Variants in MB21D2 observed in about 807,000 individuals in gnomAD.
MB21D2 encodes nucleotidyltransferase MB21D2.
MB21D2 carries 9 observed loss-of-function variants against 33.3 expected under a neutral mutation model. That is an observed-to-expected ratio of 0.27 (90% CI 0.16 to 0.47). The LOEUF is 0.47. MB21D2 is among the 20% of genes least tolerant of loss of function. The probability of loss-of-function intolerance (pLI) is 0.99; values close to 1 mark genes in which losing one functional copy is unlikely to be tolerated. For synonymous variants in MB21D2, 241 were observed against 236.3 expected (o/e 1.02, Z -0.18); for missense variants, 540 against 624.6 (o/e 0.86, Z 1.44).
At chr3:192,873,124 A>G (rs1713347874) in intron 1 of MB21D2, among the ~76,000 whole-genome samples, 1 of 152,100 alleles carries the variant, frequency 6.6e-6, no homozygotes, top group Non-Finnish European at 1.5e-5. Flanking sequence ...ACTGTCTCCA[A>G]AATGAATCCA....
At chr3:192,820,956 T>A (rs976041234) in intron 1 of MB21D2, among the ~76,000 whole-genome samples, 4 of 152,088 alleles carry the variant, frequency 2.6e-5, no homozygotes, top group African/African-American at 7.2e-5. Context: ...TTTGTAGAGA[T>A]GAGGTCTCGC....
At chr3:192,800,963 C>T (rs73195189) in intron 1 of MB21D2, among the ~76,000 whole-genome samples, 136 of 152,276 alleles carry the variant, frequency 8.9e-4, no homozygotes, top group Non-Finnish European at 1.7e-3. Flanking sequence ...GACATCTTCT[C>T]GAATTGTATA....
chr3:192,894,753 C>A (rs1713928639), intron 1 of MB21D2, among the ~76,000 whole-genome samples: 1 of 152,136 alleles, frequency 6.6e-6, no homozygotes. Flanking sequence ...CTGCTTCCCA[C>A]CCCATTCTTC....
intron 1 of MB21D2, among the ~76,000 whole-genome samples, chr3:192,891,816 G>C (rs1422345119): frequency 4.6e-5 from 7 of 152,076 alleles, no homozygotes; most frequent in Admixed American, 2.6e-4. Flanking sequence ...TACTGGTATA[G>C]AGGTGATGGG....
intron 1 of MB21D2, among the ~76,000 whole-genome samples, chr3:192,851,437 T>C (rs1712801842): frequency 6.6e-6 from 1 of 151,648 alleles, no homozygotes; most frequent in Non-Finnish European, 1.5e-5. Context: ...GAGTGATCAA[T>C]GTGAATTTTG....
chr3:192,824,228 T>C (rs1460172363), intron 1 of MB21D2, among the ~76,000 whole-genome samples: 1 of 152,154 alleles, frequency 6.6e-6, no homozygotes, highest in African/African-American at 2.4e-5. Flanking sequence ...AAAAATTCAA[T>C]TTGTTGGATC....
At chr3:192,859,786 T>C (rs1712998927) in intron 1 of MB21D2, among the ~76,000 whole-genome samples, 1 of 152,066 alleles carries the variant, frequency 6.6e-6, no homozygotes, top group Non-Finnish European at 1.5e-5. Flanking sequence ...AAGTAGACAT[T>C]GACAAGAACT....
intron 1 of MB21D2, among the ~76,000 whole-genome samples, chr3:192,850,639 T>C (rs1383483793): frequency 6.6e-6 from 1 of 152,180 alleles, no homozygotes; most frequent in East Asian, 1.9e-4. Flanking sequence ...GGCTCAGCCC[T>C]GCACGCTGCC....
intron 1 of MB21D2, among the ~76,000 whole-genome samples, chr3:192,808,535 C>T (rs1315770815): frequency 6.6e-6 from 1 of 152,184 alleles, no homozygotes; most frequent in Non-Finnish European, 1.5e-5. Context: ...AGTCATCCAT[C>T]CGGCAGAATT....
chr3:192,892,631 C>A (rs1713874863), intron 1 of MB21D2, among the ~76,000 whole-genome samples: 2 of 151,926 alleles, frequency 1.3e-5, no homozygotes, highest in Admixed American at 6.6e-5. Context: ...TTAGTAGAGA[C>A]GGGGTTTCAC....
At chr3:192,858,526 G>A (rs1712968916) in intron 1 of MB21D2, among the ~76,000 whole-genome samples, 1 of 152,202 alleles carries the variant, frequency 6.6e-6, no homozygotes, top group African/African-American at 2.4e-5. Flanking sequence ...TACAAATAAT[G>A]TTATTCCTTT....
At chr3:192,816,759 A>G (rs555219947) in intron 1 of MB21D2, among the ~76,000 whole-genome samples, 1 of 152,272 alleles carries the variant, frequency 6.6e-6, no homozygotes, top group African/African-American at 2.4e-5. Flanking sequence ...GCCGTGATAG[A>G]AAGATTATTA....
chr3:192,815,182 G>T (rs745607146), intron 1 of MB21D2, among the ~76,000 whole-genome samples: 3 of 152,206 alleles, frequency 2.0e-5, no homozygotes, highest in Non-Finnish European at 2.9e-5. Context: ...CCCACACAAA[G>T]AATGAATAAA....
chr3:192,887,168 A>T (rs1170803357), intron 1 of MB21D2, among the ~76,000 whole-genome samples: 1 of 152,038 alleles, frequency 6.6e-6, no homozygotes, highest in Admixed American at 6.6e-5. Flanking sequence ...TTTTTAAGAG[A>T]CAAAGTCTCG....
chr3:192,853,917 G>A (rs1298575084), intron 1 of MB21D2, among the ~76,000 whole-genome samples: 2 of 152,106 alleles, frequency 1.3e-5, no homozygotes, highest in Non-Finnish European at 2.9e-5. Flanking sequence ...TATTGTAATT[G>A]TCTTGGGGCA....
chr3:192,884,141 T>C (rs1392631099), intron 1 of MB21D2, among the ~76,000 whole-genome samples: 3 of 152,076 alleles, frequency 2.0e-5, no homozygotes, highest in African/African-American at 4.8e-5. Context: ...CTTTCAAAGT[T>C]AGGGTCCAGT....
intron 1 of MB21D2, among the ~76,000 whole-genome samples, chr3:192,876,235 C>T (rs971612177): frequency 1.1e-4 from 17 of 152,186 alleles, no homozygotes; most frequent in Admixed American, 9.2e-4. Context: ...CTTCCTTTGG[C>T]TCTCTGTAGT....
chr3:192,909,657 A>G (rs1431178475), intron 1 of MB21D2, among the ~76,000 whole-genome samples: 1 of 152,138 alleles, frequency 6.6e-6, no homozygotes, highest in African/African-American at 2.4e-5. Flanking sequence ...TCGGCCAGAC[A>G]CGGTGGCTCA....
chr3:192,813,314 T>C (rs1394926059), intron 1 of MB21D2, among the ~76,000 whole-genome samples: 2 of 151,796 alleles, frequency 1.3e-5, no homozygotes, highest in Admixed American at 1.3e-4. Flanking sequence ...TTTTTTTTTT[T>C]TTTTAATGAA....
Sources: allele counts gnomAD v4.1 joint callset (sites outside exome capture counted in the v4.1 genomes callset), GRCh38; gene constraint gnomAD v4.1.1; transcripts MANE v1.5; gene names NCBI Gene and HGNC (gene_info 2026-07-23, HGNC 2026-07-21).